The following DTNB variants were observed in gnomAD, a reference collection of about 807,000 sequenced individuals.
The protein encoded by DTNB is DTN-B.
DTNB carries 63 observed loss-of-function variants against 90.7 expected under a neutral mutation model. That is an observed-to-expected ratio of 0.69 (90% CI 0.57 to 0.86). The LOEUF is 0.86. Ranked by LOEUF, DTNB falls within the 40% of genes least tolerant of loss-of-function variation. The pLI, the probability that DTNB is intolerant of heterozygous loss-of-function variation, is 0.00. For missense variants in DTNB, 744 were observed against 807.1 expected (o/e 0.92, Z 0.95); for synonymous variants, 277 against 286.7 (o/e 0.97, Z 0.34).
chr2:25,418,460 G>A (rs1310687977), intron 16 of DTNB, among the ~76,000 whole-genome samples: 1 of 152,198 alleles, frequency 6.6e-6, no homozygotes, highest in Non-Finnish European at 1.5e-5. Context: ...CAGCACTTTG[G>A]GAGGCTGAGG....
At chr2:25,616,079 T>C (rs2070381335) in intron 4 of DTNB, among the ~76,000 whole-genome samples, 1 of 152,236 alleles carries the variant, frequency 6.6e-6, no homozygotes, top group South Asian at 2.1e-4. Context: ...TGTGTAAATC[T>C]TTCTGGCTCC....
intron 9 of DTNB, among the ~76,000 whole-genome samples, chr2:25,489,930 TA>T (rs1460722637): frequency 6.6e-6 from 1 of 152,090 alleles, no homozygotes; most frequent in Non-Finnish European, 1.5e-5. Context: ...ATGGGTAAAG[TA>T]AAAATACATG....
chr2:25,589,367 C>CTCTT (rs2063078912), intron 6 of DTNB, among the ~76,000 whole-genome samples: 9 of 57,546 alleles, frequency 1.6e-4, no homozygotes, highest in Admixed American at 2.5e-4. Flanking sequence ...TTTTTCTTTT[C>CTCTT]TTTTTTTTTT....
intron 6 of DTNB, among the ~76,000 whole-genome samples, chr2:25,589,367 CTT>C (rs1169808182): frequency 5.0e-4 from 29 of 57,540 alleles, no homozygotes; most frequent in African/African-American, 2.0e-3. Context: ...TTTTTCTTTT[CTT>C]TTTTTTTTTT....
chr2:25,486,341 G>A (rs930924039), intron 9 of DTNB, among the ~76,000 whole-genome samples: 116 of 152,128 alleles, frequency 7.6e-4, no homozygotes, highest in African/African-American at 2.7e-3. Flanking sequence ...GCGCATGCTC[G>A]CAGTCCCAGC....
intron 1 of DTNB, among the ~76,000 whole-genome samples, chr2:25,670,620 A>G (rs1302542409): frequency 1.3e-5 from 2 of 152,214 alleles, no homozygotes; most frequent in African/African-American, 4.8e-5. Flanking sequence ...AAGGACTCCA[A>G]TGTGAATGGT....
intron 9 of DTNB, among the ~76,000 whole-genome samples, chr2:25,505,241 T>C (rs2072085017): frequency 6.6e-6 from 1 of 152,146 alleles, no homozygotes; most frequent in Non-Finnish European, 1.5e-5. Context: ...CAGCTGACAA[T>C]GACACTCTTC....
chr2:25,379,362 G>A (rs748009282), intron 19 of DTNB, 39 bp from the exon 20 acceptor site: 7 of 1,309,304 alleles, frequency 5.3e-6, no homozygotes, highest in South Asian at 3.2e-5. Context: ...CTGAGGTCAC[G>A]GCCAGGTCTT....
rs1309013723 is a variant in DTNB at position 25,504,305 on chromosome 2, AAAGAAAGAAAGAAGGG to A, written c.1002-21448_1002-21433del. Among the ~76,000 whole-genome samples, 50 of 151,052 alleles carry A rather than the reference AAAGAAAGAAAGAAGGG, an allele frequency of 3.3e-4. 1 individual carries two copies. The highest frequency in any genetic ancestry group is 1.6e-4 in the Non-Finnish European group (11 of 67,742). On this transcript the variant is annotated intron_variant, in intron 9 of 20. Coordinates refer to ENST00000406818, the MANE Select transcript of DTNB (RefSeq NM_021907.5). ...GATGGAAGGAAGGAAAGAAAGAAGG[AAAGAAAGAAAGAAGGG>A]AAGAAAGAAAGAAGGAAGGAAGGAA...
rs558707485 is a variant in DTNB, at chr2:25,483,003, G to T, written c.1002-130C>A. 6.0e-5 allele frequency: 53 copies of T among 883,066 alleles called. No homozygotes were observed. In the East Asian group the frequency reaches 1.1e-3, roughly 18 times the overall value. 54.7% of individuals were successfully genotyped at this position (883,066 alleles called of 1,614,324 possible). Reference sequence around the variant, plus strand: ...GTAAGCACAGACGGACCCATGGGGAGGGGGGGGACCCATGGGGAAGGGGAG... The same window carrying T: ...GTAAGCACAGACGGACCCATGGGGATGGGGGGGACCCATGGGGAAGGGGAG... On this transcript the variant is annotated intron_variant, in intron 9 of 20. Transcript: ENST00000406818.
At chr2:25,563,688 A>T (rs1220047969) in intron 8 of DTNB, among the ~76,000 whole-genome samples, 1 of 152,190 alleles carries the variant, frequency 6.6e-6, no homozygotes, top group Non-Finnish European at 1.5e-5. Context: ...TTGTTGTCTC[A>T]GCACCATATT....
At chr2:25,494,902 T>C (rs1244826514) in intron 9 of DTNB, among the ~76,000 whole-genome samples, 1 of 151,030 alleles carries the variant, frequency 6.6e-6, no homozygotes, top group Non-Finnish European at 1.5e-5. Context: ...GAGAGCACTG[T>C]TGCCAGAAAA....
intron 18 of DTNB, among the ~76,000 whole-genome samples, chr2:25,385,631 G>A (rs1484608579): frequency 2.0e-5 from 3 of 152,146 alleles, no homozygotes; most frequent in Admixed American, 6.5e-5. Flanking sequence ...CAAGCTGCAC[G>A]ACCTTAGGCA....
At chr2:25,521,890 T>A (rs1329542913) in intron 9 of DTNB, among the ~76,000 whole-genome samples, 1 of 152,254 alleles carries the variant, frequency 6.6e-6, no homozygotes, top group East Asian at 1.9e-4. Flanking sequence ...ACTGGGCTCT[T>A]TCTCGCTAGA....
intron 4 of DTNB, among the ~76,000 whole-genome samples, chr2:25,622,355 A>G (rs534152523): frequency 1.3e-4 from 20 of 152,290 alleles, no homozygotes; most frequent in African/African-American, 4.6e-4. Flanking sequence ...GTGGTGGCGT[A>G]TGCCTGTAGT....
rs576237680 is a variant in DTNB, at chr2:25,379,380, C to G, written c.1880-57G>C. 1.2e-5 allele frequency: 15 copies of G among 1,301,686 alleles called. No individual in the cohort carries two copies. The East Asian group carries it at 3.7e-4, about 32-fold the overall frequency. 80.6% of individuals were successfully genotyped at this position (1,301,686 alleles called of 1,614,324 possible). On this transcript the variant is annotated intron_variant, in intron 19 of 20. Transcript: ENST00000406818. Reference sequence around the variant, plus strand: ...AGGTCACGGCCAGGTCTTCTCATGCCCCAGACTATCTCAAAGGGGCTTCCC... The same window carrying G: ...AGGTCACGGCCAGGTCTTCTCATGCGCCAGACTATCTCAAAGGGGCTTCCC...
intron 4 of DTNB, among the ~76,000 whole-genome samples, chr2:25,609,110 C>A (rs2067817277): frequency 6.6e-6 from 1 of 152,196 alleles, no homozygotes; most frequent in Non-Finnish European, 1.5e-5. Context: ...ATGTTCCTAG[C>A]AGTGTAGTTT....
intron 8 of DTNB, among the ~76,000 whole-genome samples, chr2:25,554,386 C>G (rs1053619357): frequency 6.7e-6 from 1 of 148,486 alleles, no homozygotes; most frequent in Non-Finnish European, 1.5e-5. Context: ...TTTTTTTTTT[C>G]AAAAAATTTA....
intron 3 of DTNB, among the ~76,000 whole-genome samples, chr2:25,631,979 G>A (rs144287548): frequency 1.3e-5 from 2 of 152,120 alleles, no homozygotes; most frequent in Admixed American, 6.5e-5. Flanking sequence ...TGGATCACTT[G>A]AGGTCAGGAG....
Sources: allele counts gnomAD v4.1 joint callset (sites outside exome capture counted in the v4.1 genomes callset), GRCh38; gene constraint gnomAD v4.1.1; transcripts MANE v1.5; gene names NCBI Gene and HGNC (gene_info 2026-07-23, HGNC 2026-07-21).